Variants in PLK1 observed in about 807,000 individuals in gnomAD.
PLK1 encodes the protein polo like kinase 1, also known as serine/threonine-protein kinase PLK1.
In PLK1, 6 loss-of-function variants were observed where a neutral mutation model predicts 56.7. The ratio of observed to expected loss-of-function variants is 0.11; its 90% CI spans 0.06 to 0.21. The LOEUF (loss-of-function observed/expected upper bound fraction) is 0.21, where lower values mean the gene tolerates loss of function less well. Ranked by LOEUF, PLK1 falls within the 10% of genes least tolerant of loss-of-function variation. The pLI is 1.00. For missense variants in PLK1, 546 were observed against 814.4 expected (o/e 0.67, Z 4.01); for synonymous variants, 298 against 325.0 (o/e 0.92, Z 0.89).
At chr16:23,681,414 T>C (rs996828582) in intron 3 of PLK1, among the ~76,000 whole-genome samples, 5 of 152,216 alleles carry the variant, frequency 3.3e-5, no homozygotes, top group African/African-American at 1.2e-4. Flanking sequence ...TCTGGATTTT[T>C]AACAAGGTCC....
intron 2 of PLK1, 66 bp from the exon 3 acceptor site, chr16:23,680,848 G>A: frequency 6.7e-7 from 1 of 1,491,962 alleles, no homozygotes; most frequent in African/African-American, 1.4e-5. Context: ...ACCTTAACTA[G>A]CCTTCTGCAT....
chr16:23,687,590 C>T lies in PLK1; in HGVS notation c.1158C>T (p.Ala386=). 7 of 1,598,016 alleles carry T rather than the reference C, an allele frequency of 4.4e-6. No individual in the cohort carries two copies. Among genetic ancestry groups the T allele is most frequent in the Non-Finnish European group, 6.0e-6 (7 of 1,169,856 alleles). The change falls in exon 6 of 10, where the codon GCC becomes GCT. Residue 386 remains alanine, a synonymous_variant. Coordinates refer to ENST00000300093, the MANE Select transcript of PLK1 (RefSeq NM_005030.6). The part of the protein sequence containing the change: ...DMLQQLHSVN[A]SKPSERGLVR... ...TGCAGCAGCTGCACAGTGTCAATGC[C>T]TCCAAGCCCTCGGAGCGTGGGCTGG...
chr16:23,679,953 C>T, intron 1 of PLK1, 131 bp from the exon 2 acceptor site: 1 of 635,870 alleles, frequency 1.6e-6, no homozygotes, highest in Non-Finnish European at 2.7e-6. Flanking sequence ...AGAAACCCAC[C>T]AAGACCCCTC....
intron 5 of PLK1, among the ~76,000 whole-genome samples, chr16:23,686,842 G>A (rs1432010641): frequency 2.0e-5 from 3 of 152,090 alleles, no homozygotes; most frequent in Non-Finnish European, 4.4e-5. Context: ...TCATACCCAA[G>A]TCCCTATCAT....
chr16:23,684,884 TCCTGACCTCGTGATCCG>T (rs1181169989), intron 5 of PLK1, among the ~76,000 whole-genome samples: 2 of 142,616 alleles, frequency 1.4e-5, no homozygotes, highest in Non-Finnish European at 3.0e-5. Flanking sequence ...GGTCTCAATC[TCCTGACCTCGTGATCCG>T]CCTGCCTCGG....
At chr16:23,679,852 G>A (rs1354913730) in intron 1 of PLK1, 2 of 424,800 alleles carry the variant, frequency 4.7e-6, no homozygotes, top group Non-Finnish European at 8.4e-6. Flanking sequence ...AGTAGGAGAA[G>A]GGGTGCTGCG....
intron 1 of PLK1, 113 bp from the exon 2 acceptor site, chr16:23,679,971 C>T (rs1337344279): frequency 8.7e-6 from 6 of 690,142 alleles, no homozygotes; most frequent in African/African-American, 1.8e-5. Flanking sequence ...CTCTTTCATC[C>T]CTTGGGAGTC....
In PLK1 at chr16:23,687,614, G is replaced by A; in HGVS notation, c.1182G>A (p.Leu394=). The change falls in exon 6 of 10, where the codon CTG becomes CTA. Residue 394 remains leucine, a synonymous_variant. Transcript: ENST00000300093. ...VNASKPSERG[L]VRQEEAEDPA... is the part of the protein sequence containing the mutation. ...CCTCCAAGCCCTCGGAGCGTGGGCT[G>A]GTCAGGCAAGGTGGGTACTGCGGGG... 6.3e-7 allele frequency: 1 copy of A among 1,580,220 alleles called. No individual in the cohort carries two copies. Among genetic ancestry groups the A allele is most frequent in the South Asian group, 1.1e-5 (1 of 87,618 alleles).
At chr16:23,685,598 C>T (rs1290567101) in intron 5 of PLK1, among the ~76,000 whole-genome samples, 1 of 151,884 alleles carries the variant, frequency 6.6e-6, no homozygotes, top group Non-Finnish European at 1.5e-5. Flanking sequence ...ATCTCAGCTA[C>T]TCGGGACACT....
chr16:23,684,354 T>G (rs1959390142), intron 5 of PLK1, among the ~76,000 whole-genome samples: 1 of 152,238 alleles, frequency 6.6e-6, no homozygotes, highest in Non-Finnish European at 1.5e-5. Context: ...ATCACTTTAA[T>G]TAATTTAATT....
At chr16:23,684,441 C>T (rs552673936) in intron 5 of PLK1, among the ~76,000 whole-genome samples, 1 of 152,348 alleles carries the variant, frequency 6.6e-6, no homozygotes, top group East Asian at 1.9e-4. Context: ...CAGCTTTCAA[C>T]TCTAGGGCTC....
In PLK1 at chr16:23,679,020, G is replaced by A. The variant is rs771030731; in HGVS notation, c.88G>A (p.Ala30Thr). 9 of 1,608,268 alleles carry A rather than the reference G, an allele frequency of 5.6e-6. No homozygotes were observed. The African/African-American group carries it at 1.1e-4, about 19-fold the overall frequency. Reference sequence around the variant, plus strand: ...GGTCCCCGGAGTTGCAGCTCCCGGAGCTCCGGCGGCGGCTCCACCGGCGAA... The same window carrying A: ...GGTCCCCGGAGTTGCAGCTCCCGGAACTCCGGCGGCGGCTCCACCGGCGAA... ...AGVPGVAAPG[A>T]PAAAPPAKEI... is the part of the protein sequence containing the mutation. Residue 30 changes from alanine to threonine, a missense_variant, in exon 1 of 10, where the codon GCT (alanine) becomes ACT (threonine). Physicochemically the swap from Ala to Thr is moderately conservative, Grantham distance 58 (BLOSUM62 0). Coordinates refer to ENST00000300093, the MANE Select transcript of PLK1 (RefSeq NM_005030.6).
intron 3 of PLK1, among the ~76,000 whole-genome samples, chr16:23,681,493 C>T (rs1959330564): frequency 6.6e-6 from 1 of 152,146 alleles, no homozygotes; most frequent in African/African-American, 2.4e-5. Flanking sequence ...GGAAATTAGG[C>T]CAGGAGTTAC....
In PLK1 at chr16:23,679,415, A is replaced by G. The variant is rs553975476; in HGVS notation, c.408+75A>G. 2.2e-5 allele frequency: 31 copies of G among 1,399,776 alleles called. No homozygotes were observed. The East Asian group carries it at 5.3e-4, about 24-fold the overall frequency. The allele number at this position is 1,399,776 out of a possible 1,614,324, so 86.7% of individuals were successfully genotyped here. On this transcript the variant is annotated intron_variant, in intron 1 of 9. Transcript: ENST00000300093. ...GCCCAGACCTGGAGCTGCTGGAAAG[A>G]GTACCCAGCAAGGGAGAGCCTGGGA...
At position 23,690,028 on chromosome 16, in the gene PLK1, T is replaced by C. The variant is rs770679580; in HGVS notation, c.1777T>C (p.Ser593Pro). ...CACTATGGTGGACAAGCTGCTGAGC[T>C]CACGCTCGGCCAGCAACCGTCTCAA... The part of the protein sequence containing the change: ...ARTMVDKLLS[S>P]RSASNRLKAS The change falls in exon 10 of 10, where the codon TCA becomes CCA. Residue 593 changes from serine (S) to proline (P), a missense_variant. Physicochemically the swap from Ser to Pro is moderately conservative, Grantham distance 74. This residue lies in a region of PLK1 where 72 missense variants were observed against 77.9 expected (regional missense o/e 0.92). Transcript: ENST00000300093. 10 of 1,612,340 alleles carry C rather than the reference T, an allele frequency of 6.2e-6. No homozygotes were observed. Among genetic ancestry groups the C allele is most frequent in the Non-Finnish European group, 8.5e-6 (10 of 1,179,898 alleles).
chr16:23,686,078 TC>T (rs538799969), intron 5 of PLK1, among the ~76,000 whole-genome samples: 9 of 152,148 alleles, frequency 5.9e-5, no homozygotes, highest in Non-Finnish European at 1.0e-4. Context: ...TTGCTCTGTC[TC>T]CCGGGCTGGA....
intron 5 of PLK1, among the ~76,000 whole-genome samples, chr16:23,686,037 T>C (rs777561201): frequency 2.8e-4 from 42 of 152,316 alleles, no homozygotes; most frequent in Middle Eastern, 3.4e-3. Flanking sequence ...TTCTCTGCTT[T>C]TATTTATTTT....
rs745902058 is a variant in PLK1 at position 23,679,038 on chromosome 16, C to A, written c.106C>A (p.Pro36Thr). 1.3e-5 allele frequency: 21 copies of A among 1,608,282 alleles called. No individual in the cohort carries two copies. The East Asian group carries it at 3.8e-4, about 29-fold the overall frequency. The change falls in exon 1 of 10, where the codon CCG becomes ACG. Residue 36 changes from proline (P) to threonine (T), a missense_variant. Coordinates refer to ENST00000300093, the MANE Select transcript of PLK1 (RefSeq NM_005030.6). ...TCCCGGAGCTCCGGCGGCGGCTCCACCGGCGAAAGAGATCCCGGAGGTCCT... is the reference window on the plus strand; with the variant it reads ...TCCCGGAGCTCCGGCGGCGGCTCCAACGGCGAAAGAGATCCCGGAGGTCCT... ...AAPGAPAAAP[P>T]AKEIPEVLVD...
Position 23,690,122 on chromosome 16 carries a change from T to A in PLK1, c.*59T>A. On this transcript the variant is annotated 3_prime_UTR_variant, in exon 10 of 10. Transcript: ENST00000300093. The stretch of plus-strand genomic sequence containing the variant: ...CACTCCCACCTGCATCTGGGGCCCA[T>A]ACTGGTTGGCTCCCGCGGTGCCATG... The A allele has an allele frequency of 7.2e-7, 1 of 1,384,296 alleles. No individual in the cohort carries two copies. Among genetic ancestry groups the A allele is most frequent in the Non-Finnish European group, 1.0e-6 (1 of 986,778 alleles). The allele number at this position is 1,384,296 out of a possible 1,614,324, so 85.8% of individuals were successfully genotyped here. A position where few individuals can be genotyped will look rare whatever the true frequency, so the allele number is the denominator to read the frequency against.
Sources: allele counts gnomAD v4.1 joint callset (sites outside exome capture counted in the v4.1 genomes callset), GRCh38; gene constraint gnomAD v4.1.1; regional missense constraint gnomAD v4.1.1; transcripts MANE v1.5; gene names NCBI Gene and HGNC (gene_info 2026-07-23, HGNC 2026-07-21).